TAFA1: variants seen among roughly 807,000 people sequenced by gnomAD.
TAFA1 encodes the protein TAFA chemokine like family member 1, also known as chemokine-like protein TAFA-1.
TAFA1 carries 4 observed loss-of-function variants against 18.5 expected under a neutral mutation model. That is an observed-to-expected ratio of 0.22 (90% CI 0.11 to 0.49). The LOEUF is 0.49. Among genes scored for constraint, TAFA1 ranks in the 20% least tolerant of loss-of-function variants. The pLI is 0.98. For synonymous variants in TAFA1, 56 were observed against 55.2 expected (o/e 1.01, Z -0.06); for missense variants, 147 against 169.0 (o/e 0.87, Z 0.72).
chr3:68,200,760 C>T (rs2066461344), intron 2 of TAFA1, among the ~76,000 whole-genome samples: 1 of 151,186 alleles, frequency 6.6e-6, no homozygotes, highest in South Asian at 2.1e-4. Context: ...TAAAATTAGC[C>T]TGGCTAGAGG....
At chr3:68,340,210 A>G (rs2069056896) in intron 2 of TAFA1, among the ~76,000 whole-genome samples, 1 of 152,188 alleles carries the variant, frequency 6.6e-6, no homozygotes, top group Non-Finnish European at 1.5e-5. Flanking sequence ...ATCACAGCCT[A>G]TCATTTGTTA....
At chr3:68,174,175 G>A (rs1198771754) in intron 2 of TAFA1, among the ~76,000 whole-genome samples, 1 of 152,160 alleles carries the variant, frequency 6.6e-6, no homozygotes, top group Non-Finnish European at 1.5e-5. Flanking sequence ...AAAAGCATTG[G>A]TTTGCATGGA....
At chr3:68,224,606 A>G (rs1021196070) in intron 2 of TAFA1, among the ~76,000 whole-genome samples, 1 of 152,070 alleles carries the variant, frequency 6.6e-6, no homozygotes, top group Non-Finnish European at 1.5e-5. Flanking sequence ...GTTGGTAGCA[A>G]AGGTCACTGG....
chr3:68,414,288 C>A (rs2106788446), intron 2 of TAFA1, among the ~76,000 whole-genome samples: 1 of 152,216 alleles, frequency 6.6e-6, no homozygotes, highest in Non-Finnish European at 1.5e-5. Flanking sequence ...GCCTAGGCAA[C>A]AGGAGCGAAA....
At chr3:68,077,881 A>G (rs1409755663) in intron 2 of TAFA1, among the ~76,000 whole-genome samples, 2 of 151,946 alleles carry the variant, frequency 1.3e-5, no homozygotes, top group South Asian at 2.1e-4. Flanking sequence ...ATGGCATTGA[A>G]TCTGTAAATT....
At chr3:68,366,085 C>CAAAAA (rs35861602) in intron 2 of TAFA1, among the ~76,000 whole-genome samples, 3 of 93,818 alleles carry the variant, frequency 3.2e-5, no homozygotes, top group Non-Finnish European at 2.1e-5. Flanking sequence ...GACTCCATCT[C>CAAAAA]AAAAAAAAAA....
chr3:68,429,272 C>T (rs532352141), intron 3 of TAFA1, among the ~76,000 whole-genome samples: 48 of 152,000 alleles, frequency 3.2e-4, no homozygotes, highest in African/African-American at 1.1e-3. Flanking sequence ...GGTAATTTTA[C>T]TGGTTTGTAG....
chr3:68,133,023 C>G (rs967629629), intron 2 of TAFA1, among the ~76,000 whole-genome samples: 1 of 152,150 alleles, frequency 6.6e-6, no homozygotes, highest in African/African-American at 2.4e-5. Context: ...AGCCTTTAAT[C>G]CATCTTGAGT....
intron 2 of TAFA1, among the ~76,000 whole-genome samples, chr3:68,047,585 C>T (rs1275307722): frequency 6.6e-6 from 1 of 152,108 alleles, no homozygotes; most frequent in Admixed American, 6.6e-5. Context: ...ACACCCTTCT[C>T]TGTTAACAGC....
intron 2 of TAFA1, among the ~76,000 whole-genome samples, chr3:68,306,176 G>A (rs971726453): frequency 8.5e-5 from 13 of 152,198 alleles, no homozygotes; most frequent in African/African-American, 3.1e-4. Context: ...TACTAGAGTT[G>A]GTTAAATGCT....
At chr3:68,047,095 G>C (rs1243622625) in intron 2 of TAFA1, among the ~76,000 whole-genome samples, 1 of 152,146 alleles carries the variant, frequency 6.6e-6, no homozygotes, top group Non-Finnish European at 1.5e-5. Flanking sequence ...CTGCTCAACT[G>C]TTCTCATCCC....
In TAFA1 at chr3:68,337,482, C is replaced by T. The variant is rs180902726; in HGVS notation, c.119-79798C>T. The stretch of plus-strand genomic sequence containing the variant: ...ATTTGGGCAAGGACACAAATCCAAA[C>T]GATATCAATTGGTGTACAAAAAAGT... On this transcript the variant is annotated intron_variant, in intron 2 of 4. Transcript: ENST00000478136. 1.5e-4 allele frequency among the ~76,000 whole-genome samples: 23 copies of T among 152,190 alleles called. No homozygotes were observed. The East Asian group carries it at 2.1e-3, about 14-fold the overall frequency.
chr3:68,461,965 A>T (rs906239857), intron 3 of TAFA1, among the ~76,000 whole-genome samples: 1 of 152,158 alleles, frequency 6.6e-6, no homozygotes, highest in Non-Finnish European at 1.5e-5. Context: ...GGGAAAATCA[A>T]ACTATGCAGG....
intron 2 of TAFA1, among the ~76,000 whole-genome samples, chr3:68,157,927 G>A (rs1034781844): frequency 6.6e-6 from 1 of 152,158 alleles, no homozygotes; most frequent in Non-Finnish European, 1.5e-5. Context: ...AAAGCTGTGA[G>A]GTCTGGCCAA....
At chr3:68,449,247 C>G (rs2071525694) in intron 3 of TAFA1, among the ~76,000 whole-genome samples, 1 of 152,172 alleles carries the variant, frequency 6.6e-6, no homozygotes, top group Non-Finnish European at 1.5e-5. Context: ...ATTGATGTTA[C>G]AGCTACGGGG....
chr3:68,104,773 C>A (rs997964673), intron 2 of TAFA1, among the ~76,000 whole-genome samples: 1 of 152,052 alleles, frequency 6.6e-6, no homozygotes, highest in Non-Finnish European at 1.5e-5. Context: ...GTGATAGAGA[C>A]CTTAGGGCAT....
chr3:68,410,425 C>T (rs2070692925), intron 2 of TAFA1, among the ~76,000 whole-genome samples: 1 of 152,020 alleles, frequency 6.6e-6, no homozygotes, highest in South Asian at 2.1e-4. Context: ...CAGATAATTA[C>T]GGCATTTACT....
At chr3:68,098,585 G>T (rs75870598) in intron 2 of TAFA1, among the ~76,000 whole-genome samples, 1,872 of 152,150 alleles carry the variant, frequency 0.012, 11 homozygotes, top group Middle Eastern at 0.027. Flanking sequence ...CTGCTTGGAG[G>T]AGCAAAAGAT....
rs1227732563 is a variant in TAFA1, at chr3:68,435,090, G to A, written c.259+17670G>A. On this transcript the variant is annotated intron_variant, in intron 3 of 4. Coordinates refer to ENST00000478136, the MANE Select transcript of TAFA1 (RefSeq NM_213609.4). ...GAGCCCAGAGTGCTCTGAGAGCAGAGGTTAGGGTGTTAAATGATGGAAGCA... is the reference window on the plus strand; with the variant it reads ...GAGCCCAGAGTGCTCTGAGAGCAGAAGTTAGGGTGTTAAATGATGGAAGCA... Among the ~76,000 whole-genome samples, 4 of 152,232 alleles carry A rather than the reference G, an allele frequency of 2.6e-5. No individual in the cohort carries two copies. In the East Asian group the frequency reaches 7.7e-4, roughly 29 times the overall value.
Sources: gnomAD v4.1 joint callset for allele counts (sites outside exome capture counted in the v4.1 genomes callset) on GRCh38, gnomAD v4.1.1 for gene constraint, MANE v1.5 for transcripts, NCBI Gene and HGNC (gene_info 2026-07-23, HGNC 2026-07-21) for gene names.